Variants in DNTT observed in about 807,000 individuals in gnomAD.
DNTT encodes nucleosidetriphosphate:DNA deoxynucleotidylexotransferase.
A neutral mutation model predicts 60.9 loss-of-function variants in DNTT; 47 were observed. That is an observed-to-expected ratio of 0.77 (90% CI 0.61 to 0.98). The LOEUF is 0.98. DNTT is among the 50% of genes least tolerant of loss of function. The pLI is 0.00. For missense variants in DNTT, 665 were observed against 627.5 expected, an observed-to-expected ratio of 1.06 and a Z score of -0.64; for synonymous variants, 224 against 221.2, an observed-to-expected ratio of 1.01 and a Z score of -0.11.
rs117002788 is a variant in DNTT, at chr10:96,338,363, T to C, written c.*139T>C. 8.6e-3 allele frequency: 6,370 copies of C among 741,258 alleles called. 50 individuals are homozygous for C. Among genetic ancestry groups the C allele is most frequent in the Non-Finnish European group, 9.6e-3 (4,516 of 472,656 alleles). 45.9% of individuals were successfully genotyped at this position (741,258 alleles called of 1,614,324 possible). ...AGATTGCTACTAGAAATAAATAACT[T>C]TGGAAACATGGGAAGGTGCCACTGG... is the stretch of plus-strand genomic sequence containing the variant. On this transcript the variant is annotated 3_prime_UTR_variant, in exon 11 of 11. Coordinates refer to ENST00000371174, the MANE Select transcript of DNTT (RefSeq NM_004088.4).
chr10:96,307,222 A>T (rs931776852), intron 1 of DNTT, among the ~76,000 whole-genome samples: 4 of 152,232 alleles, frequency 2.6e-5, no homozygotes, highest in Non-Finnish European at 5.9e-5. Context: ...AACAAGGTCA[A>T]ATGATATCAA....
chr10:96,307,576 G>C (rs1456015584), intron 1 of DNTT, among the ~76,000 whole-genome samples: 1 of 149,306 alleles, frequency 6.7e-6, no homozygotes, highest in African/African-American at 2.4e-5. Flanking sequence ...GGATGGTCTC[G>C]ATCTCTTGAC....
rs747158808 is a variant in DNTT, at chr10:96,319,389, C to T, written c.506C>T (p.Thr169Met). Reference sequence around the variant, plus strand: ...TTAAACAACTGTAACCAGATATTCACGGTAACGGGACTTTACATCAACACC... The same window carrying T: ...TTAAACAACTGTAACCAGATATTCATGGTAACGGGACTTTACATCAACACC... ...TTLNNCNQIFTDAFDILAENC... is the reference protein window; with the variant it reads ...TTLNNCNQIFMDAFDILAENC... The change falls in exon 3 of 11, where the codon ACG (threonine) becomes ATG (methionine). Residue 169 changes from threonine to methionine, a missense_variant and splice_region_variant. Transcript: ENST00000371174. 44 of 1,613,382 alleles carry T rather than the reference C, an allele frequency of 2.7e-5. No individual in the cohort carries two copies. The highest frequency in any genetic ancestry group is 3.3e-5 in the South Asian group (3 of 91,032).
Position 96,324,389 on chromosome 10 carries a change from G to A in DNTT, c.874G>A (p.Gly292Arg). The change falls in exon 6 of 11, where the codon GGA becomes AGA. Residue 292 changes from glycine to arginine, a missense_variant and splice_region_variant. Coordinates refer to ENST00000371174, the MANE Select transcript of DNTT (RefSeq NM_004088.4). ...SLKFTRMQKA[G>R]FLYYEDLVSC... ...GAAATTTACACGAATGCAGAAAGCA[G>A]GTAAATTGTCTCTCCTAAAAGTCAT... The A allele has an allele frequency of 1.9e-6, 3 of 1,613,672 alleles. No homozygotes were observed. The South Asian group carries it at 3.3e-5, about 18-fold the overall frequency.
chr10:96,319,419 GC>G, intron 3 of DNTT, 29 bp downstream of exon 3: 1 of 1,609,926 alleles, frequency 6.2e-7, no homozygotes, highest in Non-Finnish European at 8.5e-7. Flanking sequence ...AACACCCAGG[GC>G]AAACGAAGGG....
chr10:96,330,307 C>T (rs1489831986), intron 8 of DNTT, among the ~76,000 whole-genome samples: 1 of 98,884 alleles, frequency 1.0e-5, no homozygotes, highest in Admixed American at 1.5e-4. Flanking sequence ...AGGAATCCAG[C>T]TTTGTGGGCT....
intron 9 of DNTT, among the ~76,000 whole-genome samples, chr10:96,334,433 A>G (rs1845043275): frequency 6.6e-6 from 1 of 152,174 alleles, no homozygotes; most frequent in Non-Finnish European, 1.5e-5. Flanking sequence ...TCCCATTCGC[A>G]TGTGTTCCAC....
Position 96,328,751 on chromosome 10 carries a change from A to G in DNTT, c.1034A>G (p.Asp345Gly), listed in dbSNP as rs1564874103. Reference sequence around the variant, plus strand: ...GGTAAGAAGATGGGGCATGATGTAGATTTTTTAATTACCAGCCCAGGATCA... The same window carrying G: ...GGTAAGAAGATGGGGCATGATGTAGGTTTTTTAATTACCAGCCCAGGATCA... ...RRGKKMGHDVDFLITSPGSTE... is the reference protein window; with the variant it reads ...RRGKKMGHDVGFLITSPGSTE... The change falls in exon 8 of 11, where the codon GAT becomes GGT. Residue 345 changes from aspartate (D) to glycine (G), a missense_variant. Asp to Gly is a moderately conservative substitution (Grantham distance 94). Transcript: ENST00000371174. 1 of 1,613,866 alleles carries G rather than the reference A, an allele frequency of 6.2e-7. No individual in the cohort carries two copies. The highest frequency in any genetic ancestry group is 8.5e-7 in the Non-Finnish European group (1 of 1,179,894).
chr10:96,306,042 G>A (rs567829029), intron 1 of DNTT, among the ~76,000 whole-genome samples: 1 of 151,598 alleles, frequency 6.6e-6, no homozygotes, highest in Non-Finnish European at 1.5e-5. Context: ...TAGAAGGCTA[G>A]AGTTGGAGAA....
intron 9 of DNTT, among the ~76,000 whole-genome samples, chr10:96,334,308 A>G (rs1480139328): frequency 6.6e-6 from 1 of 152,160 alleles, no homozygotes; most frequent in Non-Finnish European, 1.5e-5. Flanking sequence ...TTGCAGAGAC[A>G]TTAGGTGACA....
chr10:96,307,798 G>C (rs1387241663), intron 1 of DNTT, among the ~76,000 whole-genome samples: 2 of 139,488 alleles, frequency 1.4e-5, no homozygotes, highest in South Asian at 2.3e-4. Flanking sequence ...TTGAGGCAGG[G>C]TCTTGTTCTG....
chr10:96,335,762 G>T, intron 9 of DNTT, 129 bp from the exon 10 acceptor site: 3 of 1,011,328 alleles, frequency 3.0e-6, no homozygotes, highest in Admixed American at 3.5e-5. Flanking sequence ...AGAGAATTTG[G>T]CCCTGGGGGA....
intron 5 of DNTT, among the ~76,000 whole-genome samples, chr10:96,323,575 G>T (rs1029554967): frequency 9.6e-5 from 12 of 124,970 alleles, no homozygotes; most frequent in Admixed American, 8.8e-4. Flanking sequence ...TGAGGACCAT[G>T]GGGGGGTTGG....
At chr10:96,328,589 T>C in intron 7 of DNTT, 136 bp from the exon 8 acceptor site, 3 of 754,210 alleles carry the variant, frequency 4.0e-6, no homozygotes, top group East Asian at 2.7e-5. Context: ...ACCAAGGATA[T>C]TTTGTTTCTT....
intron 1 of DNTT, among the ~76,000 whole-genome samples, chr10:96,307,499 C>T (rs1282475414): frequency 6.7e-6 from 1 of 150,276 alleles, no homozygotes; most frequent in African/African-American, 2.4e-5. Flanking sequence ...GGACTACAGG[C>T]ACGCGTCAGC....
At chr10:96,317,618 G>T (rs1251199473) in intron 1 of DNTT, among the ~76,000 whole-genome samples, 1 of 152,082 alleles carries the variant, frequency 6.6e-6, no homozygotes, top group African/African-American at 2.4e-5. Context: ...GGTTATGAGG[G>T]CTCCACCTAG....
chr10:96,332,218 G>A (rs1305074095), intron 8 of DNTT, 133 bp from the exon 9 acceptor site: 11 of 1,223,878 alleles, frequency 9.0e-6, no homozygotes, highest in South Asian at 7.6e-5. Context: ...GTTTGCAGGT[G>A]GGCCTTTAAT....
rs149429691 is a variant in DNTT at position 96,322,696 on chromosome 10, G to A, written c.718G>A (p.Val240Met). Residue 240 changes from valine to methionine, a missense_variant, in exon 5 of 11, where the codon GTG becomes ATG. Val to Met is a conservative substitution (Grantham distance 21). Coordinates refer to ENST00000371174, the MANE Select transcript of DNTT (RefSeq NM_004088.4). ...TGGAGAAAGTTCTGAAGTTAAAGCT[G>A]TGTTAAATGATGAACGATATCAATC... ...EDGESSEVKA[V>M]LNDERYQSFK... The A allele has an allele frequency of 6.2e-7, 1 of 1,602,334 alleles. No individual in the cohort carries two copies. The highest frequency in any genetic ancestry group is 8.5e-7 in the Non-Finnish European group (1 of 1,171,544).
At position 96,318,509 on chromosome 10, in the gene DNTT, G is replaced by A. The variant is rs531101557; in HGVS notation, c.361G>A (p.Gly121Arg). ...AGCAGGGAAACCGGTGGAAATGACA[G>A]GAAAACACCAGCTTGTTGTAAGTGT... ...IRAGKPVEMT[G>R]KHQLVVRRDY... The change falls in exon 2 of 11, where the codon GGA becomes AGA. Residue 121 changes from glycine to arginine, a missense_variant. Coordinates refer to ENST00000371174, the MANE Select transcript of DNTT (RefSeq NM_004088.4). 14 of 1,613,232 alleles carry A rather than the reference G, an allele frequency of 8.7e-6. No individual in the cohort carries two copies. In the African/African-American group the frequency reaches 1.2e-4, roughly 14 times the overall value.
Sources: gnomAD v4.1 joint callset for allele counts (sites outside exome capture counted in the v4.1 genomes callset) on GRCh38, gnomAD v4.1.1 for gene constraint, MANE v1.5 for transcripts, NCBI Gene and HGNC (gene_info 2026-07-23, HGNC 2026-07-21) for gene names.